Variants in VIT observed in about 807,000 individuals in gnomAD.
VIT encodes vitrin.
A neutral mutation model predicts 78.0 loss-of-function variants in VIT; 99 were observed. The ratio of observed to expected loss-of-function variants is 1.27; its 90% CI spans 1.08 to 1.50. The LOEUF is 1.50. VIT is among the 40% of genes most tolerant of loss of function. The probability of loss-of-function intolerance (pLI) is 0.00; values close to 1 mark genes in which losing one functional copy is unlikely to be tolerated. For missense variants in VIT, 1,126 were observed against 875.3 expected (o/e 1.29, Z -3.61); for synonymous variants, 374 against 334.3 (o/e 1.12, Z -1.29).
intron 3 of VIT, among the ~76,000 whole-genome samples, chr2:36,740,433 A>G (rs1444220324): frequency 2.6e-5 from 4 of 152,254 alleles, no homozygotes; most frequent in African/African-American, 7.2e-5. Flanking sequence ...GGCTGAACAT[A>G]GACATTACAC....
intron 3 of VIT, among the ~76,000 whole-genome samples, chr2:36,740,973 A>T (rs1264870952): frequency 6.6e-6 from 1 of 152,238 alleles, no homozygotes; most frequent in Non-Finnish European, 1.5e-5. Flanking sequence ...CTGACAGGAC[A>T]TTCAAAATCT....
At chr2:36,713,671 A>C (rs1310080677) in intron 1 of VIT, among the ~76,000 whole-genome samples, 1 of 152,200 alleles carries the variant, frequency 6.6e-6, no homozygotes, top group Non-Finnish European at 1.5e-5. Context: ...TGAGATGCTG[A>C]GAAATGGTCA....
chr2:36,771,525 CAAAAAAA>C (rs1228263784), intron 7 of VIT, among the ~76,000 whole-genome samples: 12 of 66,142 alleles, frequency 1.8e-4, no homozygotes, highest in African/African-American at 3.3e-4. Context: ...GACTTCATCT[CAAAAAAA>C]AAAAAGAAAA....
intron 1 of VIT, among the ~76,000 whole-genome samples, chr2:36,710,560 CA>C (rs1665738841): frequency 6.6e-6 from 1 of 152,164 alleles, no homozygotes; most frequent in South Asian, 2.1e-4. Context: ...TCTCCACTCC[CA>C]CTCCCCAGGC....
chr2:36,698,900 C>T (rs139770568), intron 1 of VIT, among the ~76,000 whole-genome samples: 5,217 of 151,436 alleles, frequency 0.034, 123 homozygotes, highest in African/African-American at 0.069. Context: ...GCTGAGATCA[C>T]GCCACTACAC....
intron 7 of VIT, among the ~76,000 whole-genome samples, chr2:36,773,357 A>G (rs1459019582): frequency 1.3e-5 from 2 of 150,576 alleles, no homozygotes; most frequent in African/African-American, 4.9e-5. Context: ...CTTCCAAGGC[A>G]GGTTTGGACT....
chr2:36,759,604 CT>C, intron 6 of VIT: 1 of 1,022,394 alleles, frequency 9.8e-7, no homozygotes, highest in Non-Finnish European at 1.2e-6. Context: ...AAATCAAGAA[CT>C]GTACTATGCA....
chr2:36,789,942 CCT>C (rs1469622945), intron 12 of VIT, among the ~76,000 whole-genome samples: 1 of 152,180 alleles, frequency 6.6e-6, no homozygotes, highest in African/African-American at 2.4e-5. Flanking sequence ...TCCCTTCTCC[CCT>C]CTGTTACCAC....
chr2:36,760,481 T>A (rs942795872), intron 6 of VIT, among the ~76,000 whole-genome samples: 2 of 152,190 alleles, frequency 1.3e-5, no homozygotes, highest in African/African-American at 4.8e-5. Context: ...GATAGAGCTG[T>A]TCCCCACCTC....
chr2:36,724,308 G>C (rs530398350), intron 2 of VIT, among the ~76,000 whole-genome samples: 4 of 152,276 alleles, frequency 2.6e-5, no homozygotes, highest in Admixed American at 2.6e-4. Context: ...TGGGGTTCCA[G>C]ACTTAACTCT....
chr2:36,790,427 G>T (rs1223295397), intron 12 of VIT, among the ~76,000 whole-genome samples: 9 of 152,132 alleles, frequency 5.9e-5, no homozygotes, highest in Admixed American at 5.9e-4. Flanking sequence ...CCTACCTCTG[G>T]TCTGGGCCCA....
intron 5 of VIT, among the ~76,000 whole-genome samples, chr2:36,758,084 A>G (rs563589737): frequency 6.6e-6 from 1 of 152,332 alleles, no homozygotes; most frequent in African/African-American, 2.4e-5. Context: ...CAGATGGGAG[A>G]AGAAATGCTT....
intron 12 of VIT, among the ~76,000 whole-genome samples, chr2:36,795,315 C>T (rs1416850533): frequency 2.0e-5 from 3 of 151,886 alleles, no homozygotes; most frequent in Admixed American, 6.6e-5. Flanking sequence ...ATCTTCCCAG[C>T]TAAGGTCAAA....
chr2:36,751,408 T>C (rs1238909208), intron 4 of VIT, among the ~76,000 whole-genome samples: 3 of 152,070 alleles, frequency 2.0e-5, no homozygotes, highest in African/African-American at 7.2e-5. Context: ...AATAAATAAA[T>C]AAATTCCTAG....
Position 36,770,207 on chromosome 2 carries a change from C to G in VIT, c.679+2922C>G, listed in dbSNP as rs1235353112. On this transcript the variant is annotated intron_variant, in intron 7 of 15. Coordinates refer to ENST00000379242, the MANE Select transcript of VIT (RefSeq NM_053276.4). ...GCACTGTTCTAAATCTGGGCTACAT[C>G]GATGAACACATCCCATCAAGATCCC... Among the ~76,000 whole-genome samples the G allele has an allele frequency of 5.9e-5, 9 of 152,286 alleles. No individual in the cohort carries two copies. The South Asian group carries it at 1.7e-3, about 28-fold the overall frequency.
intron 12 of VIT, 91 bp from the exon 13 acceptor site, chr2:36,801,210 T>C (rs190498067): frequency 4.5e-4 from 525 of 1,176,992 alleles, no homozygotes; most frequent in Non-Finnish European, 6.2e-4. Context: ...GCAGCTTCTA[T>C]TTGTATATAA....
At chr2:36,802,904 G>A (rs1167516113) in intron 13 of VIT, among the ~76,000 whole-genome samples, 1 of 152,344 alleles carries the variant, frequency 6.6e-6, no homozygotes. Flanking sequence ...GAAGCAGACT[G>A]TAGGCTGAGC....
intron 12 of VIT, among the ~76,000 whole-genome samples, chr2:36,797,460 A>G (rs192245266): frequency 4.7e-4 from 72 of 152,272 alleles, no homozygotes; most frequent in African/African-American, 1.6e-3. Flanking sequence ...AGGACGTGGT[A>G]TTTGATGAGG....
intron 2 of VIT, among the ~76,000 whole-genome samples, chr2:36,719,891 A>G (rs2148459025): frequency 6.6e-6 from 1 of 152,268 alleles, no homozygotes; most frequent in South Asian, 2.1e-4. Context: ...ATAGTGAGCC[A>G]TGATCATGCC....
Sources: gnomAD v4.1 joint callset for allele counts (sites outside exome capture counted in the v4.1 genomes callset) on GRCh38, gnomAD v4.1.1 for gene constraint, MANE v1.5 for transcripts, NCBI Gene and HGNC (gene_info 2026-07-23, HGNC 2026-07-21) for gene names.